Variants in DST observed in about 807,000 individuals in gnomAD.
DST encodes the protein bullous pemphigoid antigen.
In DST, 253 loss-of-function variants were observed where a neutral mutation model predicts 875.2. The observed-to-expected ratio is 0.29, with a 90% confidence interval of 0.26 to 0.32. The LOEUF (loss-of-function observed/expected upper bound fraction) is 0.32, where lower values mean the gene tolerates loss of function less well. DST is among the 10% of genes least tolerant of loss of function. DST has a pLI of 1.00. For synonymous variants in DST, 3,124 were observed against 3,197.1 expected, an observed-to-expected ratio of 0.98 and a Z score of 0.77; for missense variants, 8,287 against 9,111.6, an observed-to-expected ratio of 0.91 and a Z score of 3.68.
Position 56,606,440 on chromosome 6 carries a change from T to G in DST, c.8188A>C (p.Thr2730Pro). ...SLETGSEREC[T>P]NILEGDESDS... ...GATTCATCACCTTCAAGGATATTTG[T>G]GCATTCCCTTTCTGATCCAGTTTCC... The change falls in exon 40 of 104, where the codon ACA (threonine) becomes CCA (proline). Residue 2730 changes from threonine (T) to proline (P), a missense_variant. Coordinates refer to ENST00000680361, the MANE Select transcript of DST (RefSeq NM_001374736.1). 1 of 1,613,418 alleles carries G rather than the reference T, an allele frequency of 6.2e-7. No individual in the cohort carries two copies. Among genetic ancestry groups the G allele is most frequent in the Non-Finnish European group, 8.5e-7 (1 of 1,179,530 alleles).
At chr6:56,514,606 C>CACACACACACACAA (rs1554275995) in intron 72 of DST, among the ~76,000 whole-genome samples, 13 of 146,630 alleles carry the variant, frequency 8.9e-5, no homozygotes, top group East Asian at 2.1e-4. Context: ...CACACACACA[C>CACACACACACACAA]ACACACCCCC....
chr6:56,923,169 T>G (rs1342128450), intron 2 of DST, among the ~76,000 whole-genome samples: 1 of 152,144 alleles, frequency 6.6e-6, no homozygotes, highest in Admixed American at 6.5e-5. Context: ...TCACTACAGT[T>G]ATAAATTAAA....
Position 56,527,717 on chromosome 6 carries a change from T to G in DST, c.17698A>C (p.Ile5900Leu). 1 of 1,599,564 alleles carries G rather than the reference T, an allele frequency of 6.3e-7. No individual in the cohort carries two copies. Among genetic ancestry groups the G allele is most frequent in the Non-Finnish European group, 8.5e-7 (1 of 1,173,428 alleles). The change falls in exon 68 of 104, where the codon ATT (isoleucine) becomes CTT (leucine). Residue 5900 changes from isoleucine (I) to leucine (L), a missense_variant. By Grantham distance (5) the Ile-to-Leu change is conservative (BLOSUM62 2). Around this residue, in one of 10 missense-constraint regions of DST, gnomAD observed 777 missense variants for 764.8 expected, o/e 1.02. Coordinates refer to ENST00000680361, the MANE Select transcript of DST (RefSeq NM_001374736.1). ...KQTTGDEVLI[I>L]QDKLEAIKAR... ...TTAATGGCTTCCAATTTATCTTGAATTATTAAAACTTCATCACCTAAAATT... is the reference window on the plus strand; with the variant it reads ...TTAATGGCTTCCAATTTATCTTGAAGTATTAAAACTTCATCACCTAAAATT...
intron 82 of DST, among the ~76,000 whole-genome samples, chr6:56,495,937 A>C (rs2095886298): frequency 6.6e-6 from 1 of 152,222 alleles, no homozygotes; most frequent in Admixed American, 6.5e-5. Context: ...TAAATTCAAA[A>C]TTATTTCCAA....
intron 3 of DST, among the ~76,000 whole-genome samples, chr6:56,862,707 G>A (rs1337738868): frequency 2.6e-5 from 4 of 152,146 alleles, no homozygotes; most frequent in African/African-American, 9.7e-5. Flanking sequence ...AATAAATGAT[G>A]AGAGCCTGAA....
At chr6:56,670,541 A>G (rs1432227048) in intron 10 of DST, 100 bp downstream of exon 10, 1 of 942,860 alleles carries the variant, frequency 1.1e-6, no homozygotes, top group Non-Finnish European at 1.5e-6. Flanking sequence ...ATTTTTTGCC[A>G]TGCTTTTGCT....
rs991498826 is a variant in DST at position 56,714,325 on chromosome 6, G to C, written c.688-9956C>G. Among the ~76,000 whole-genome samples the C allele has an allele frequency of 6.6e-6, 1 of 152,132 alleles. No homozygotes were observed. The highest frequency in any genetic ancestry group is 2.4e-5 in the African/African-American group (1 of 41,424). ...TGCAACAGAAATATACTTTCTGTAG[G>C]AGGATTAAAAGTTTCAAAGTGATCA... On this transcript the variant is annotated intron_variant, in intron 5 of 103. Coordinates refer to ENST00000680361, the MANE Select transcript of DST (RefSeq NM_001374736.1). The surrounding 1 kb of genome is among the most constrained non-coding windows in gnomAD (Gnocchi z 4.5).
At chr6:56,624,328 T>A in intron 36 of DST, 1 of 661,346 alleles carries the variant, frequency 1.5e-6, no homozygotes, top group Non-Finnish European at 2.7e-6. Context: ...GACTTTCTAT[T>A]TGAATGAATC....
Position 56,555,817 on chromosome 6 carries a change from A to T in DST, c.14664T>A (p.Thr4888=). ...QVQILLQEFA[T]RKPQYEQLTA... The stretch of plus-strand genomic sequence containing the variant: ...TCAGCTGTTCATATTGAGGTTTCCG[A>T]GTGGCGAATTCTTGCAGCAAAATCT... Residue 4888 remains threonine, a synonymous_variant, in exon 60 of 104, where the codon ACT becomes ACA. Coordinates refer to ENST00000680361, the MANE Select transcript of DST (RefSeq NM_001374736.1). 1 of 1,503,132 alleles carries T rather than the reference A, an allele frequency of 6.7e-7. No homozygotes were observed. The highest frequency in any genetic ancestry group is 8.9e-7 in the Non-Finnish European group (1 of 1,124,568). 93.1% of individuals were successfully genotyped at this position (1,503,132 alleles called of 1,614,324 possible).
chr6:56,625,100 A>G, intron 35 of DST, 57 bp downstream of exon 35: 1 of 1,223,870 alleles, frequency 8.2e-7, no homozygotes, highest in Non-Finnish European at 1.2e-6. Flanking sequence ...TAAAATTTAA[A>G]AAGTAAGTGT....
At chr6:56,595,598 T>C (rs79759554) in intron 47 of DST, among the ~76,000 whole-genome samples, 3,149 of 152,272 alleles carry the variant, frequency 0.021, 106 homozygotes, top group African/African-American at 0.072. Flanking sequence ...AGCACTGCTA[T>C]GGGGCAGCCG....
chr6:56,529,313 C>G, intron 66 of DST, 135 bp downstream of exon 66: 1 of 709,662 alleles, frequency 1.4e-6, no homozygotes. Flanking sequence ...TAAAAGTAAT[C>G]TGTATAAACA....
Position 56,894,934 on chromosome 6 carries a change from C to T in DST, c.417+5487G>A, listed in dbSNP as rs1471782183. On this transcript the variant is annotated intron_variant, in intron 3 of 103. Coordinates refer to ENST00000680361, the MANE Select transcript of DST (RefSeq NM_001374736.1). ...TCACTTCCCAGTAGGGGCGGCCGGG[C>T]AGAGGCGCCCCTCACCTCCCGGACG... Among the ~76,000 whole-genome samples, 20 of 70,982 alleles carry T rather than the reference C, an allele frequency of 2.8e-4. No individual in the cohort carries two copies. The East Asian group carries it at 7.5e-3, about 26-fold the overall frequency. The allele number at this position is 70,982 out of a possible 152,430, so 46.6% of individuals were successfully genotyped here.
chr6:56,832,732 T>C (rs2099788654), intron 4 of DST, among the ~76,000 whole-genome samples: 1 of 152,084 alleles, frequency 6.6e-6, no homozygotes, highest in Non-Finnish European at 1.5e-5. Flanking sequence ...CTACTAAGTA[T>C]TTTCAATATT....
intron 51 of DST, 86 bp from the exon 52 acceptor site, chr6:56,573,150 A>C (rs1305509640): frequency 1.7e-6 from 2 of 1,188,108 alleles, no homozygotes; most frequent in Non-Finnish European, 2.3e-6. Context: ...ATTCCTAACA[A>C]CATAAGCTTG....
intron 4 of DST, among the ~76,000 whole-genome samples, chr6:56,784,131 G>A (rs985310817): frequency 1.3e-5 from 2 of 152,190 alleles, no homozygotes; most frequent in African/African-American, 4.8e-5. Flanking sequence ...TGGGTAACTT[G>A]ACCTTTCTCT....
At chr6:56,874,755 G>A (rs547576699) in intron 3 of DST, among the ~76,000 whole-genome samples, 9 of 152,242 alleles carry the variant, frequency 5.9e-5, no homozygotes, top group African/African-American at 1.7e-4. Context: ...AAGAGATCTC[G>A]AAGAAATAAT....
At chr6:56,693,409 A>G (rs2099245249) in intron 9 of DST, 2 of 1,091,670 alleles carry the variant, frequency 1.8e-6, no homozygotes, top group Non-Finnish European at 1.1e-6. Context: ...GACAAACATT[A>G]CTGCTCACTG....
At chr6:56,920,371 T>A (rs1199917983) in intron 2 of DST, among the ~76,000 whole-genome samples, 1 of 152,190 alleles carries the variant, frequency 6.6e-6, no homozygotes, top group Non-Finnish European at 1.5e-5. Flanking sequence ...CCTCTACTTA[T>A]ATCCAATCGG....
Sources: gnomAD v4.1 joint callset for allele counts (sites outside exome capture counted in the v4.1 genomes callset) on GRCh38, gnomAD v4.1.1 for gene constraint, gnomAD v4.1.1 regional missense constraint, Gnocchi (gnomAD v3.1) non-coding constraint, MANE v1.5 for transcripts, NCBI Gene and HGNC (gene_info 2026-07-23, HGNC 2026-07-21) for gene names.